Variants in TRRAP observed in about 807,000 individuals in gnomAD.
The protein encoded by TRRAP is transformation/transcription domain-associated protein.
In TRRAP, 41 loss-of-function variants were observed where a neutral mutation model predicts 438.8. The observed-to-expected ratio is 0.09, with a 90% CI of 0.07 to 0.12. The LOEUF is 0.12. Ranked by LOEUF, TRRAP falls within the 10% of genes least tolerant of loss-of-function variation. The pLI is 1.00. For missense variants in TRRAP, 3,122 were observed against 5,055.1 expected, an observed-to-expected ratio of 0.62 and a Z score of 11.60; for synonymous variants, 1,994 against 1,962.9, an observed-to-expected ratio of 1.02 and a Z score of -0.42.
chr7:98,963,818 C>G (rs781557977), intron 47 of TRRAP, among the ~76,000 whole-genome samples: 1 of 152,108 alleles, frequency 6.6e-6, no homozygotes, highest in African/African-American at 2.4e-5. Context: ...CAGTAACTCA[C>G]GCCTATAATC....
chr7:99,008,119 C>T (rs1223004162), intron 69 of TRRAP, among the ~76,000 whole-genome samples: 4 of 152,178 alleles, frequency 2.6e-5, no homozygotes, highest in South Asian at 2.1e-4. Context: ...CCACTGTGTC[C>T]GGCCAAGATG....
At chr7:98,986,441 C>G (rs548194160) in intron 62 of TRRAP, among the ~76,000 whole-genome samples, 4 of 152,320 alleles carry the variant, frequency 2.6e-5, no homozygotes, top group African/African-American at 9.6e-5. Flanking sequence ...CTCACCAGCA[C>G]TTGTTATTTT....
At chr7:98,996,478 C>A (rs1045694229) in intron 67 of TRRAP, among the ~76,000 whole-genome samples, 1 of 152,196 alleles carries the variant, frequency 6.6e-6, no homozygotes, top group Non-Finnish European at 1.5e-5. Flanking sequence ...TGAGTGATTG[C>A]AGCACATGAG....
At chr7:98,931,263 C>A in intron 25 of TRRAP, 142 bp from the exon 26 acceptor site, 1 of 1,234,816 alleles carries the variant, frequency 8.1e-7, no homozygotes, top group East Asian at 2.4e-5. Flanking sequence ...AAGTGGGTGC[C>A]GTGAAGTCAC....
chr7:98,967,038 C>T lies in TRRAP; in HGVS notation c.7177-3C>T, dbSNP rs1395016813. On this transcript the variant is annotated splice_polypyrimidine_tract_variant and splice_region_variant and intron_variant, in intron 49 of 72. Coordinates refer to ENST00000456197, the MANE Select transcript of TRRAP (RefSeq NM_001375524.1). The stretch of plus-strand genomic sequence containing the variant: ...ACTGCGTCTTTTCTCAAATTTCATA[C>T]AGACACCTACACTCCGGGAGAAGTC... 1.3e-6 allele frequency: 2 copies of T among 1,599,100 alleles called. No homozygotes were observed. Among genetic ancestry groups the T allele is most frequent in the Non-Finnish European group, 8.5e-7 (1 of 1,174,366 alleles).
intron 20 of TRRAP, among the ~76,000 whole-genome samples, chr7:98,918,227 C>CTTTTTTTTT (rs71118647): frequency 2.4e-5 from 2 of 83,204 alleles, no homozygotes; most frequent in African/African-American, 7.8e-5. Flanking sequence ...GGGTTATATT[C>CTTTTTTTTT]TTTTTTTTTT....
At chr7:98,935,135 C>A (rs1790501436) in intron 27 of TRRAP, among the ~76,000 whole-genome samples, 1 of 151,526 alleles carries the variant, frequency 6.6e-6, no homozygotes, top group Non-Finnish European at 1.5e-5. Flanking sequence ...CTTTTCTGTA[C>A]TTGAAAAAAA....
intron 1 of TRRAP, among the ~76,000 whole-genome samples, chr7:98,879,070 G>A (rs1167421027): frequency 6.6e-6 from 1 of 152,190 alleles, no homozygotes; most frequent in Non-Finnish European, 1.5e-5. Context: ...GGCCCGGCGC[G>A]GGGAGCGAAG....
chr7:98,983,678 A>T (rs1239534630), intron 60 of TRRAP, among the ~76,000 whole-genome samples: 1 of 152,074 alleles, frequency 6.6e-6, no homozygotes, highest in Non-Finnish European at 1.5e-5. Context: ...TGTACCTGTT[A>T]CATTTTTCTA....
At chr7:98,972,583 C>T (rs1792468531) in intron 53 of TRRAP, among the ~76,000 whole-genome samples, 1 of 152,182 alleles carries the variant, frequency 6.6e-6, no homozygotes, top group African/African-American at 2.4e-5. Context: ...GGTAGAAACT[C>T]TCTGGCTTCT....
At chr7:98,961,570 C>A in intron 46 of TRRAP, 96 bp downstream of exon 46, 1 of 1,419,470 alleles carries the variant, frequency 7.0e-7, no homozygotes, top group South Asian at 1.2e-5. Flanking sequence ...TTGTGTCGAG[C>A]GCTTTGTTAT....
intron 62 of TRRAP, among the ~76,000 whole-genome samples, chr7:98,985,783 G>C (rs192564111): frequency 6.6e-6 from 1 of 152,264 alleles, no homozygotes; most frequent in Admixed American, 6.5e-5. Flanking sequence ...TTATCTTTTT[G>C]TGTAATGTTT....
chr7:98,947,617 G>A (rs543274787), intron 33 of TRRAP, among the ~76,000 whole-genome samples: 73 of 152,106 alleles, frequency 4.8e-4, no homozygotes, highest in Non-Finnish European at 8.7e-4. Context: ...CACCACGCTC[G>A]GCTAACTTTT....
chr7:98,954,990 T>G, intron 40 of TRRAP, 108 bp from the exon 41 acceptor site: 1 of 1,220,964 alleles, frequency 8.2e-7, no homozygotes, highest in Non-Finnish European at 1.1e-6. Context: ...TAAGAAGTTT[T>G]TAAAAAATTG....
At chr7:99,002,111 C>G (rs1793948826) in intron 67 of TRRAP, among the ~76,000 whole-genome samples, 1 of 15,648 alleles carries the variant, frequency 6.4e-5, no homozygotes, top group African/African-American at 2.8e-4. Context: ...GTTCGGGATG[C>G]AGGGGAGAGG....
intron 3 of TRRAP, among the ~76,000 whole-genome samples, chr7:98,889,045 CTTTTTTT>C (rs11326725): frequency 2.4e-5 from 2 of 82,432 alleles, no homozygotes; most frequent in African/African-American, 9.1e-5. Context: ...CAAAACTTTA[CTTTTTTT>C]TTTTTTTTTT....
At position 98,906,166 on chromosome 7, in the gene TRRAP, T is replaced by C; in HGVS notation, c.1037-11T>C. The C allele has an allele frequency of 6.2e-7, 1 of 1,613,100 alleles. No individual in the cohort carries two copies. Among genetic ancestry groups the C allele is most frequent in the East Asian group, 2.2e-5 (1 of 44,850 alleles). On this transcript the variant is annotated splice_polypyrimidine_tract_variant and intron_variant, in intron 12 of 72. Transcript: ENST00000456197. ...TGTTAGTGATCTGTGCAATGGATGT[T>C]TGTCTTCTAGAGTTCATTCCTTGCA...
At chr7:98,897,506 T>C (rs1188915408) in intron 7 of TRRAP, among the ~76,000 whole-genome samples, 4 of 152,206 alleles carry the variant, frequency 2.6e-5, no homozygotes, top group Non-Finnish European at 5.9e-5. Flanking sequence ...GTTATCTTTA[T>C]GGTCCTGTGG....
chr7:98,930,844 G>A lies in TRRAP; in HGVS notation c.3591+14G>A, dbSNP rs1554412691. ...TTAACTGGAGAGGTAGGTGATGGGT[G>A]GCCCCAAACCTAACCATGCTGTTTT... On this transcript the variant is annotated intron_variant, in intron 25 of 72. Transcript: ENST00000456197. 4.3e-6 allele frequency: 7 copies of A among 1,614,080 alleles called. No individual in the cohort carries two copies. Among genetic ancestry groups the A allele is most frequent in the South Asian group, 2.2e-5 (2 of 91,082 alleles).
Sources: allele counts gnomAD v4.1 joint callset (sites outside exome capture counted in the v4.1 genomes callset), GRCh38; gene constraint gnomAD v4.1.1; transcripts MANE v1.5; gene names NCBI Gene and HGNC (gene_info 2026-07-23, HGNC 2026-07-21).